The following PARP15 variants were observed in gnomAD, a reference collection of about 807,000 sequenced individuals.
PARP15 encodes the protein poly(ADP-ribose) polymerase family member 15.
PARP15 carries 50 observed loss-of-function variants against 62.1 expected under a neutral mutation model. That is an observed-to-expected ratio of 0.81 (90% CI 0.64 to 1.02). The LOEUF is 1.02. Ranked by LOEUF, PARP15 falls within the 50% of genes least tolerant of loss-of-function variation. The pLI is 0.00. For missense variants in PARP15, 820 were observed against 826.5 expected, an observed-to-expected ratio of 0.99 and a Z score of 0.10; for synonymous variants, 309 against 293.1, an observed-to-expected ratio of 1.05 and a Z score of -0.55.
At chr3:122,610,108 A>G (rs116832715) in intron 2 of PARP15, among the ~76,000 whole-genome samples, 269 of 151,986 alleles carry the variant, frequency 1.8e-3, no homozygotes, top group African/African-American at 6.0e-3. Context: ...CTCTGTCTCA[A>G]TCTTTCTGTG....
intron 2 of PARP15, among the ~76,000 whole-genome samples, chr3:122,606,261 G>A (rs1406034822): frequency 3.3e-5 from 5 of 152,152 alleles, no homozygotes; most frequent in South Asian, 2.1e-4. Context: ...CTCATGTGGA[G>A]GGGTTCAAGT....
At chr3:122,594,522 T>C (rs1429896565) in intron 1 of PARP15, 5 of 980,632 alleles carry the variant, frequency 5.1e-6, no homozygotes, top group East Asian at 1.1e-4. Context: ...TTGGAAGTCA[T>C]TGTTAAAGAT....
intron 8 of PARP15, among the ~76,000 whole-genome samples, chr3:122,623,577 C>T (rs183000653): frequency 2.6e-4 from 40 of 152,216 alleles, no homozygotes; most frequent in Admixed American, 1.6e-3. Context: ...AACCAATAAT[C>T]GTAAGTGTTG....
chr3:122,594,155 C>T (rs1934159595), intron 1 of PARP15, among the ~76,000 whole-genome samples: 1 of 152,096 alleles, frequency 6.6e-6, no homozygotes, highest in South Asian at 2.1e-4. Context: ...TATGTACATC[C>T]CCTCAAATTG....
intron 1 of PARP15, among the ~76,000 whole-genome samples, chr3:122,583,112 A>ATTT (rs1188440061): frequency 7.1e-5 from 6 of 84,312 alleles, no homozygotes; most frequent in Non-Finnish European, 1.2e-4. Context: ...TATCATCTGT[A>ATTT]TCTTTTTTTT....
rs1288796821 is a variant in PARP15 at position 122,636,744 on chromosome 3, C to G, written c.*644C>G. ...GGGTCAGGAATTCAGGCATGGCTTA[C>G]CTGGATCATTCTGCTAGGGTCTCTC... On this transcript the variant is annotated 3_prime_UTR_variant, in exon 12 of 12. Transcript: ENST00000464300. 1.3e-5 allele frequency: 2 copies of G among 152,504 alleles called. No homozygotes were observed. The highest frequency in any genetic ancestry group is 3.9e-4 in the East Asian group (2 of 5,184). The allele number at this position is 152,504 out of a possible 1,614,324, so 9.4% of individuals were successfully genotyped here. A position where few individuals can be genotyped will look rare whatever the true frequency, so the allele number is the denominator to read the frequency against.
In PARP15 at chr3:122,636,414, T is replaced by G. The variant is rs1342981722; in HGVS notation, c.*314T>G. ...CAGAAAAAAACAAGATGCATCACCT[T>G]AAAACCAAGATGACATTGTTCTTCT... On this transcript the variant is annotated 3_prime_UTR_variant, in exon 12 of 12. Transcript: ENST00000464300. 4 of 291,888 alleles carry G rather than the reference T, an allele frequency of 1.4e-5. No individual in the cohort carries two copies. In the Admixed American group the frequency reaches 1.8e-4, roughly 13 times the overall value. The allele number at this position is 291,888 out of a possible 1,614,324, so 18.1% of individuals were successfully genotyped here.
At chr3:122,620,178 A>G (rs1228042680) in intron 7 of PARP15, among the ~76,000 whole-genome samples, 3 of 152,198 alleles carry the variant, frequency 2.0e-5, no homozygotes, top group Non-Finnish European at 2.9e-5. Context: ...GGAAAGTTCT[A>G]CTAATAAGTA....
intron 1 of PARP15, among the ~76,000 whole-genome samples, chr3:122,584,879 A>G (rs142230524): frequency 6.6e-6 from 1 of 152,186 alleles, no homozygotes; most frequent in East Asian, 1.9e-4. Flanking sequence ...CGCCGGGCCC[A>G]TTTCCATTTT....
chr3:122,606,540 T>C (rs529926874), intron 2 of PARP15, among the ~76,000 whole-genome samples: 67 of 152,278 alleles, frequency 4.4e-4, no homozygotes, highest in African/African-American at 1.5e-3. Flanking sequence ...ACCCCTCCTC[T>C]CCTACTGTTT....
chr3:122,587,669 T>C (rs996481654), intron 1 of PARP15, among the ~76,000 whole-genome samples: 1 of 152,208 alleles, frequency 6.6e-6, no homozygotes, highest in African/African-American at 2.4e-5. Context: ...GCTGGGACTA[T>C]AATCCACCAC....
chr3:122,592,450 G>C (rs1240334791), intron 1 of PARP15, among the ~76,000 whole-genome samples: 8 of 152,040 alleles, frequency 5.3e-5, no homozygotes, highest in Non-Finnish European at 1.5e-5. Context: ...GGAGTGAGGT[G>C]GGGGAAGGGA....
intron 7 of PARP15, among the ~76,000 whole-genome samples, chr3:122,620,641 C>T (rs1165506273): frequency 6.8e-6 from 1 of 147,150 alleles, no homozygotes; most frequent in Non-Finnish European, 1.5e-5. Context: ...TGTTTGAGTA[C>T]TGGGAGAGCT....
At chr3:122,594,926 C>A in intron 1 of PARP15, 1 of 922,166 alleles carries the variant, frequency 1.1e-6, no homozygotes, top group Non-Finnish European at 1.3e-6. Context: ...AAAGAGTAAC[C>A]AATGTTCAGT....
chr3:122,628,791 C>G (rs1936891560), intron 9 of PARP15, among the ~76,000 whole-genome samples: 1 of 152,140 alleles, frequency 6.6e-6, no homozygotes, highest in Admixed American at 6.6e-5. Context: ...TGCATTACGT[C>G]ATCTTTGTTG....
intron 2 of PARP15, among the ~76,000 whole-genome samples, chr3:122,607,448 G>A (rs150364551): frequency 0.016 from 2,463 of 152,196 alleles, 65 homozygotes; most frequent in African/African-American, 0.054. Context: ...ATGGATGATG[G>A]TGATATGAAG....
At chr3:122,610,374 C>A in intron 2 of PARP15, 120 bp from the exon 3 acceptor site, 1 of 885,366 alleles carries the variant, frequency 1.1e-6, no homozygotes, top group Non-Finnish European at 1.7e-6. Context: ...GTGGGGCTGA[C>A]ATGTTAGTAT....
intron 7 of PARP15, 170 bp from the exon 8 acceptor site, chr3:122,621,274 A>T (rs1410960273): frequency 3.1e-6 from 2 of 648,590 alleles, no homozygotes; most frequent in Non-Finnish European, 5.1e-6. Context: ...GAGAATTCTG[A>T]TTGTAAAGAA....
intron 10 of PARP15, among the ~76,000 whole-genome samples, chr3:122,633,534 T>C (rs1937179222): frequency 1.3e-5 from 2 of 152,160 alleles, no homozygotes; most frequent in Non-Finnish European, 2.9e-5. Context: ...TTTTTTTTTT[T>C]CAGACTTTTT....
Sources: gnomAD v4.1 joint callset for allele counts (sites outside exome capture counted in the v4.1 genomes callset) on GRCh38, gnomAD v4.1.1 for gene constraint, MANE v1.5 for transcripts, NCBI Gene and HGNC (gene_info 2026-07-23, HGNC 2026-07-21) for gene names.